PLEKHA5: variants seen among roughly 807,000 people sequenced by gnomAD.
The protein encoded by PLEKHA5 is pleckstrin homology domain containing A5.
A neutral mutation model predicts 181.9 loss-of-function variants in PLEKHA5; 55 were observed. The observed-to-expected ratio is 0.30, with a 90% CI of 0.24 to 0.38. PLEKHA5 has a LOEUF of 0.38. Among genes scored for constraint, PLEKHA5 ranks in the 10% least tolerant of loss-of-function variants. The pLI is 1.00. For synonymous variants in PLEKHA5, 535 were observed against 529.4 expected (o/e 1.01, Z -0.15); for missense variants, 1,432 against 1,549.5 (o/e 0.92, Z 1.27).
At chr12:19,219,762 TCTG>T (rs2058639867) in intron 3 of PLEKHA5, among the ~76,000 whole-genome samples, 1 of 152,148 alleles carries the variant, frequency 6.6e-6, no homozygotes, top group Non-Finnish European at 1.5e-5. Flanking sequence ...AGGCTCAATT[TCTG>T]GTGTCATTCA....
At chr12:19,224,994 C>T (rs761535358) in intron 3 of PLEKHA5, among the ~76,000 whole-genome samples, 22 of 151,968 alleles carry the variant, frequency 1.4e-4, no homozygotes, top group Admixed American at 2.0e-4. Flanking sequence ...AAGACCTCAT[C>T]GCCATAAAAA....
intron 3 of PLEKHA5, among the ~76,000 whole-genome samples, chr12:19,214,543 A>G (rs955473148): frequency 3.9e-5 from 6 of 152,232 alleles, no homozygotes; most frequent in African/African-American, 1.4e-4. Flanking sequence ...TTGAAGATGG[A>G]GGGAAGAGAA....
intron 3 of PLEKHA5, among the ~76,000 whole-genome samples, chr12:19,147,992 C>T (rs1307961268): frequency 1.6e-5 from 2 of 125,296 alleles, no homozygotes; most frequent in East Asian, 4.8e-4. Context: ...TTGCCTTGGC[C>T]TCCCAAAGTG....
At chr12:19,281,388 G>A (rs2076101629) in intron 11 of PLEKHA5, among the ~76,000 whole-genome samples, 1 of 151,862 alleles carries the variant, frequency 6.6e-6, no homozygotes, top group Non-Finnish European at 1.5e-5. Context: ...ATCGCCCTGG[G>A]CAACATGGCA....
intron 15 of PLEKHA5, among the ~76,000 whole-genome samples, chr12:19,299,079 C>G (rs532437072): frequency 6.6e-6 from 1 of 152,332 alleles, no homozygotes; most frequent in East Asian, 1.9e-4. Context: ...GGCATCCTGC[C>G]TGCCTCTCCA....
At chr12:19,322,752 C>T in intron 20 of PLEKHA5, 85 bp downstream of exon 20, 1 of 810,238 alleles carries the variant, frequency 1.2e-6, no homozygotes, top group Non-Finnish European at 2.0e-6. Context: ...ACTGGGCTCT[C>T]TTTAGGATTC....
At position 19,279,928 on chromosome 12, in the gene PLEKHA5, G is replaced by A. The variant is rs1240469960; in HGVS notation, c.1314-3352G>A. Among the ~76,000 whole-genome samples, 5 of 150,078 alleles carry A rather than the reference G, an allele frequency of 3.3e-5. No individual in the cohort carries two copies. In the South Asian group the frequency reaches 6.4e-4, roughly 19 times the overall value. ...TTTAACATGAGATTTTTCTCTTAGT[G>A]TAAAGGTAACATAATTTTACTGCCC... On this transcript the variant is annotated intron_variant, in intron 11 of 31. Coordinates refer to ENST00000429027, the MANE Select transcript of PLEKHA5 (RefSeq NM_001256470.2).
At chr12:19,339,428 AT>A (rs2093693919) in intron 21 of PLEKHA5, among the ~76,000 whole-genome samples, 1 of 152,182 alleles carries the variant, frequency 6.6e-6, no homozygotes, top group Admixed American at 6.5e-5. Context: ...CCAATCCCAG[AT>A]TTAACCTGCC....
chr12:19,146,991 GA>G (rs2039084628), intron 3 of PLEKHA5: 1 of 152,110 alleles, frequency 6.6e-6, no homozygotes. Flanking sequence ...AACAAACTTT[GA>G]AAAACTGTGA....
Position 19,283,310 on chromosome 12 carries a change from T to C in PLEKHA5, c.1344T>C (p.Asn448=). ...TTTCTTACCAAACATTACCAAGAAATATGCCAAGTCACAGAGCCCAGATTA... is the reference window on the plus strand; with the variant it reads ...TTTCTTACCAAACATTACCAAGAAACATGCCAAGTCACAGAGCCCAGATTA... ...GVISYQTLPR[N]MPSHRAQIMA... The change falls in exon 12 of 32, where the codon AAT becomes AAC. Residue 448 remains asparagine (N), a synonymous_variant. Coordinates refer to ENST00000429027, the MANE Select transcript of PLEKHA5 (RefSeq NM_001256470.2). 1 of 1,611,690 alleles carries C rather than the reference T, an allele frequency of 6.2e-7. No homozygotes were observed. The highest frequency in any genetic ancestry group is 8.5e-7 in the Non-Finnish European group (1 of 1,178,872).
intron 3 of PLEKHA5, among the ~76,000 whole-genome samples, chr12:19,235,573 C>T (rs1211749009): frequency 1.3e-5 from 2 of 152,068 alleles, no homozygotes; most frequent in Non-Finnish European, 1.5e-5. Flanking sequence ...ATGAGTATTA[C>T]ATTATTATGT....
chr12:19,200,209 C>T, intron 3 of PLEKHA5: 1 of 694,816 alleles, frequency 1.4e-6, no homozygotes, highest in Non-Finnish European at 2.4e-6. Context: ...GATCATTACA[C>T]TTTCCATGCA....
At chr12:19,236,234 T>C (rs1325867191) in intron 3 of PLEKHA5, among the ~76,000 whole-genome samples, 1 of 152,216 alleles carries the variant, frequency 6.6e-6, no homozygotes, top group Non-Finnish European at 1.5e-5. Flanking sequence ...TTAGTATACG[T>C]TGGTAATCAA....
chr12:19,231,087 C>T (rs369442991), intron 3 of PLEKHA5, among the ~76,000 whole-genome samples: 2 of 152,166 alleles, frequency 1.3e-5, no homozygotes, highest in South Asian at 2.1e-4. Flanking sequence ...GTATTTTCTT[C>T]CTTCCCTACA....
intron 16 of PLEKHA5, among the ~76,000 whole-genome samples, chr12:19,316,309 T>A (rs530790673): frequency 1.7e-4 from 26 of 152,242 alleles, no homozygotes; most frequent in African/African-American, 5.5e-4. Flanking sequence ...GGTTTTTTTT[T>A]ATAATGCTCA....
chr12:19,306,620 G>A (rs1592416320), intron 15 of PLEKHA5: 6 of 1,026,384 alleles, frequency 5.8e-6, no homozygotes, highest in South Asian at 5.1e-5. Flanking sequence ...AGGTGGTGGC[G>A]GCGGTGGAGG....
At chr12:19,352,356 G>T (rs1008952195) in intron 25 of PLEKHA5, among the ~76,000 whole-genome samples, 15 of 151,236 alleles carry the variant, frequency 9.9e-5, no homozygotes, top group Non-Finnish European at 1.8e-4. Flanking sequence ...TTGTACTTCA[G>T]CCTGGGTGAC....
intron 3 of PLEKHA5, among the ~76,000 whole-genome samples, chr12:19,191,975 T>C (rs2051246629): frequency 1.3e-5 from 2 of 152,158 alleles, no homozygotes; most frequent in Non-Finnish European, 2.9e-5. Context: ...AGGCCAGCCT[T>C]GATTCATTGC....
At chr12:19,281,973 G>A (rs2076284249) in intron 11 of PLEKHA5, among the ~76,000 whole-genome samples, 1 of 151,900 alleles carries the variant, frequency 6.6e-6, no homozygotes, top group Non-Finnish European at 1.5e-5. Flanking sequence ...TCGAAGAGAC[G>A]GGGTTTCACT....
Sources: gnomAD v4.1 joint callset for allele counts (sites outside exome capture counted in the v4.1 genomes callset) on GRCh38, gnomAD v4.1.1 for gene constraint, MANE v1.5 for transcripts, NCBI Gene and HGNC (gene_info 2026-07-23, HGNC 2026-07-21) for gene names.